SUCLG2: variants seen among roughly 807,000 people sequenced by gnomAD.
SUCLG2 encodes succinate-CoA ligase GDP-forming subunit beta.
In SUCLG2, 42 loss-of-function variants were observed where a neutral mutation model predicts 47.9. The observed-to-expected ratio is 0.88, with a 90% CI of 0.69 to 1.14. SUCLG2 has a LOEUF of 1.14. Ranked by LOEUF, SUCLG2 falls within the 50% of genes most tolerant of loss-of-function variation. SUCLG2 has a pLI of 0.00. For missense variants in SUCLG2, 571 were observed against 525.9 expected (o/e 1.09, Z -0.84); for synonymous variants, 195 against 197.3 (o/e 0.99, Z 0.10).
chr3:67,512,564 C>CAT (rs145314149), intron 6 of SUCLG2, among the ~76,000 whole-genome samples: 25 of 149,438 alleles, frequency 1.7e-4, no homozygotes, highest in African/African-American at 5.0e-4. Context: ...CTTCTGGGTA[C>CAT]ACATATATAT....
At chr3:67,379,562 A>G (rs1702108731) in intron 10 of SUCLG2, among the ~76,000 whole-genome samples, 3 of 152,238 alleles carry the variant, frequency 2.0e-5, no homozygotes, top group South Asian at 2.1e-4. Flanking sequence ...GCAACCAAGT[A>G]ATCTAAATAA....
intron 7 of SUCLG2, among the ~76,000 whole-genome samples, chr3:67,498,732 T>C (rs1482685848): frequency 6.6e-6 from 1 of 152,228 alleles, no homozygotes; most frequent in Non-Finnish European, 1.5e-5. Context: ...TTTCTTGATA[T>C]GGTAAAGTGA....
chr3:67,543,831 T>C (rs558430080), intron 2 of SUCLG2, among the ~76,000 whole-genome samples: 5 of 133,820 alleles, frequency 3.7e-5, no homozygotes, highest in South Asian at 4.7e-4. Context: ...GTGAATTAAA[T>C]GTGGGCAGTT....
At chr3:67,477,624 G>A (rs1014437368) in intron 9 of SUCLG2, among the ~76,000 whole-genome samples, 5 of 152,192 alleles carry the variant, frequency 3.3e-5, no homozygotes, top group Admixed American at 2.0e-4. Context: ...GAACCCGAGA[G>A]GCAGAGGTTG....
intron 2 of SUCLG2, among the ~76,000 whole-genome samples, chr3:67,556,408 T>C (rs1226396446): frequency 1.3e-5 from 2 of 152,210 alleles, no homozygotes; most frequent in Admixed American, 6.5e-5. Flanking sequence ...TGTAGCTTCC[T>C]CTCAAATGCT....
chr3:67,378,949 C>G (rs753027109), intron 10 of SUCLG2, among the ~76,000 whole-genome samples: 3 of 151,992 alleles, frequency 2.0e-5, no homozygotes, highest in African/African-American at 7.2e-5. Flanking sequence ...GACAGTTACA[C>G]GTGTAAATTT....
intron 1 of SUCLG2, among the ~76,000 whole-genome samples, chr3:67,621,659 GCTTT>G (rs1448137187): frequency 1.3e-5 from 2 of 152,026 alleles, no homozygotes; most frequent in Non-Finnish European, 2.9e-5. Flanking sequence ...GAAATCGGTG[GCTTT>G]CTAAGAAAAA....
chr3:67,478,614 T>C (rs1420805330), intron 9 of SUCLG2, among the ~76,000 whole-genome samples: 1 of 152,260 alleles, frequency 6.6e-6, no homozygotes, highest in African/African-American at 2.4e-5. Flanking sequence ...TGTAGTATCA[T>C]ACGTCAAAGT....
rs983891474 is a variant in SUCLG2, at chr3:67,374,965, A to G, written c.*779T>C. 2.5e-5 allele frequency: 25 copies of G among 985,818 alleles called. 1 individual carries two copies. Among genetic ancestry groups the G allele is most frequent in the Admixed American group, 2.5e-4 (4 of 16,278 alleles). 61.1% of individuals were successfully genotyped at this position (985,818 alleles called of 1,614,324 possible). A position where few individuals can be genotyped will look rare whatever the true frequency, so the allele number is the denominator to read the frequency against. On this transcript the variant is annotated 3_prime_UTR_variant, in exon 11 of 11. Transcript: ENST00000307227. The stretch of plus-strand genomic sequence containing the variant: ...ACAATTTGATCTTCAGTGTTGTCTC[A>G]TCTTGAAATATCTTAATAACAGAGA...
chr3:67,431,589 G>T (rs899843651), intron 9 of SUCLG2, among the ~76,000 whole-genome samples: 1 of 152,122 alleles, frequency 6.6e-6, no homozygotes, highest in African/African-American at 2.4e-5. Flanking sequence ...TCCTTTGTAG[G>T]GACATGGATG....
intron 2 of SUCLG2, among the ~76,000 whole-genome samples, chr3:67,571,180 A>C (rs1009365059): frequency 5.9e-5 from 9 of 152,138 alleles, no homozygotes; most frequent in Non-Finnish European, 8.8e-5. Context: ...CCCCCCACAG[A>C]AGAGAACATT....
chr3:67,645,824 C>A (rs925097037), intron 1 of SUCLG2, among the ~76,000 whole-genome samples: 1 of 151,408 alleles, frequency 6.6e-6, no homozygotes, highest in African/African-American at 2.4e-5. Context: ...TAGGAAAGGA[C>A]TTACTAACTC....
At chr3:67,632,576 T>C (rs1700945704) in intron 1 of SUCLG2, among the ~76,000 whole-genome samples, 1 of 152,138 alleles carries the variant, frequency 6.6e-6, no homozygotes, top group African/African-American at 2.4e-5. Flanking sequence ...GTTAAGATCA[T>C]GGACACTGGA....
intron 10 of SUCLG2, among the ~76,000 whole-genome samples, chr3:67,392,961 T>C (rs565000144): frequency 3.9e-5 from 6 of 151,990 alleles, no homozygotes; most frequent in African/African-American, 1.2e-4. Context: ...ACTAGAGGCA[T>C]GCATCACTAC....
chr3:67,441,802 C>G (rs1227237961), intron 9 of SUCLG2, among the ~76,000 whole-genome samples: 3 of 152,166 alleles, frequency 2.0e-5, no homozygotes, highest in East Asian at 3.8e-4. Context: ...AAAAATAACT[C>G]AGAATATTTC....
chr3:67,451,381 G>A (rs963848585), intron 9 of SUCLG2, among the ~76,000 whole-genome samples: 2 of 152,146 alleles, frequency 1.3e-5, no homozygotes, highest in Non-Finnish European at 2.9e-5. Context: ...TTAGGTCTTC[G>A]TTTTCGTAAG....
intron 2 of SUCLG2, among the ~76,000 whole-genome samples, chr3:67,559,764 G>T (rs1364644680): frequency 6.6e-6 from 1 of 152,032 alleles, no homozygotes; most frequent in Non-Finnish European, 1.5e-5. Flanking sequence ...AATTTTCAGG[G>T]CAATAAAACT....
intron 2 of SUCLG2, among the ~76,000 whole-genome samples, chr3:67,569,384 A>C (rs1442391838): frequency 1.3e-5 from 2 of 152,218 alleles, no homozygotes; most frequent in Non-Finnish European, 2.9e-5. Context: ...TTTTTCTTAT[A>C]CACAGATCTG....
At chr3:67,466,147 G>C (rs1704464682) in intron 9 of SUCLG2, among the ~76,000 whole-genome samples, 1 of 152,074 alleles carries the variant, frequency 6.6e-6, no homozygotes, top group Non-Finnish European at 1.5e-5. Flanking sequence ...GAGGTCAGGA[G>C]TTCGAGACCA....
Sources: gnomAD v4.1 joint callset for allele counts (sites outside exome capture counted in the v4.1 genomes callset) on GRCh38, gnomAD v4.1.1 for gene constraint, MANE v1.5 for transcripts, NCBI Gene and HGNC (gene_info 2026-07-23, HGNC 2026-07-21) for gene names.